Variants in RYR1 observed in about 807,000 individuals in gnomAD.
RYR1 encodes central core disease of muscle.
In RYR1, 342 loss-of-function variants were observed where a neutral mutation model predicts 583.5. The ratio of observed to expected loss-of-function variants is 0.59; its 90% CI spans 0.54 to 0.64. RYR1 has a LOEUF of 0.64. RYR1 is among the 30% of genes least tolerant of loss of function. RYR1 has a pLI of 0.00. For synonymous variants in RYR1, 2,791 were observed against 2,822.5 expected, an observed-to-expected ratio of 0.99 and a Z score of 0.35; for missense variants, 6,032 against 6,917.2, an observed-to-expected ratio of 0.87 and a Z score of 4.54.
intron 16 of RYR1, among the ~76,000 whole-genome samples, chr19:38,456,920 C>T (rs1244574208): frequency 6.6e-6 from 1 of 151,692 alleles, no homozygotes; most frequent in Non-Finnish European, 1.5e-5. Flanking sequence ...GTGGCAGGCG[C>T]CTGTAGTCCC....
At chr19:38,573,064 C>A in intron 95 of RYR1, 113 bp from the exon 96 acceptor site, 1 of 1,539,974 alleles carries the variant, frequency 6.5e-7, no homozygotes. Context: ...ACTGGGAAAG[C>A]ACTTCTGATG....
chr19:38,544,144 A>G (rs1218625467), intron 87 of RYR1, among the ~76,000 whole-genome samples: 1 of 152,044 alleles, frequency 6.6e-6, no homozygotes, highest in African/African-American at 2.4e-5. Context: ...CAATGGCCGG[A>G]GCTCCTCTAT....
rs777872969 is a variant in RYR1 at position 38,523,281 on chromosome 19, C to T, written c.10412C>T (p.Thr3471Ile). 1 of 1,614,250 alleles carries T rather than the reference C, an allele frequency of 6.2e-7. No homozygotes were observed. Among genetic ancestry groups the T allele is most frequent in the Non-Finnish European group, 8.5e-7 (1 of 1,180,044 alleles). Reference sequence around the variant, plus strand: ...GAGATCAACAACATGTCCTTCCTGACTGCTGACAACAAAAGCAAAATGGCT... The same window carrying T: ...GAGATCAACAACATGTCCTTCCTGATTGCTGACAACAAAAGCAAAATGGCT... ...QNEINNMSFL[T>I]ADNKSKMAKA... The change falls in exon 69 of 106, where the codon ACT becomes ATT. Residue 3471 changes from threonine to isoleucine, a missense_variant. This residue lies in a region of RYR1 where 1,493 missense variants were observed against 1,715.5 expected (regional missense o/e 0.87). Coordinates refer to ENST00000359596, the MANE Select transcript of RYR1 (RefSeq NM_000540.3).
Position 38,504,715 on chromosome 19 carries a change from ACCT to A in RYR1, c.8068-29_8068-27del, listed in dbSNP as rs796750554. 454,568 of 1,611,506 alleles carry A rather than the reference ACCT, an allele frequency of 0.28. 68,568 individuals carry two copies. Among genetic ancestry groups the A allele is most frequent in the African/African-American group, 0.46 (34,449 of 74,618 alleles). ...CTGGGGGTCAGTAAGGCTTATAGCG[ACCT>A]CCTACCCCTGCTTCACCCGGTTTTC... On this transcript the variant is annotated intron_variant, in intron 50 of 105. Coordinates refer to ENST00000359596, the MANE Select transcript of RYR1 (RefSeq NM_000540.3).
Position 38,483,393 on chromosome 19 carries a change from GGA to G in RYR1, c.4813_4814del (p.Ser1605ProfsTer107). 1 of 1,569,342 alleles carries G rather than the reference GGA, an allele frequency of 6.4e-7. No individual in the cohort carries two copies. The highest frequency in any genetic ancestry group is 8.6e-7 in the Non-Finnish European group (1 of 1,158,254). ...ATGCAGATGCTGATGCCAGTGTCCT[GGA>G]GCCGCATGCCCAACCACTTCCTGCA... On this transcript the variant is annotated frameshift_variant, in exon 33 of 106. Coordinates refer to ENST00000359596, the MANE Select transcript of RYR1 (RefSeq NM_000540.3). LOFTEE classifies it high-confidence loss of function. This position sits in a 1 kb window ranked among gnomAD's most constrained non-coding sequence, Gnocchi z 6.3.
In RYR1 at chr19:38,485,960, A is replaced by C; in HGVS notation, c.5305A>C (p.Thr1769Pro). 3 of 1,613,584 alleles carry C rather than the reference A, an allele frequency of 1.9e-6. No individual in the cohort carries two copies. The South Asian group carries it at 3.3e-5, about 18-fold the overall frequency. Residue 1769 changes from threonine to proline, a missense_variant, in exon 34 of 106, where the codon ACT (threonine) becomes CCT (proline). Thr to Pro is a conservative substitution (Grantham distance 38). Transcript: ENST00000359596. ...TGGCCTGCCGGGAGTTGGAGTCACC[A>C]CTTCGCTGAGGCCCCCGCATCATTT... ...RHGLPGVGVTTSLRPPHHFSP... is the reference protein window; with the variant it reads ...RHGLPGVGVTPSLRPPHHFSP...
chr19:38,500,734 G>C lies in RYR1; in HGVS notation c.7444+8G>C. ...TTCCCACCCTGGGCAAAGGTGCAGA[G>C]GGGATGGAACTTGGCGAAGGAGTGA... On this transcript the variant is annotated splice_region_variant and intron_variant, in intron 46 of 105. Coordinates refer to ENST00000359596, the MANE Select transcript of RYR1 (RefSeq NM_000540.3). This position sits in a 1 kb window ranked among gnomAD's most constrained non-coding sequence, Gnocchi z 5.9. The C allele has an allele frequency of 6.2e-7, 1 of 1,614,172 alleles. No homozygotes were observed. The highest frequency in any genetic ancestry group is 1.1e-5 in the South Asian group (1 of 91,086).
intron 1 of RYR1, among the ~76,000 whole-genome samples, chr19:38,434,401 C>T (rs1419824122): frequency 6.6e-6 from 1 of 151,998 alleles, no homozygotes; most frequent in Non-Finnish European, 1.5e-5. Flanking sequence ...TTTCCTTCTT[C>T]GTTTTGGGCA....
At chr19:38,542,082 TC>T (rs1037166330) in intron 84 of RYR1, among the ~76,000 whole-genome samples, 2 of 124,956 alleles carry the variant, frequency 1.6e-5, no homozygotes, top group South Asian at 2.6e-4. Context: ...AAAAAAAAAA[TC>T]CCCCCCAAGG....
Position 38,519,436 on chromosome 19 carries a change from G to A in RYR1, c.10241G>A (p.Arg3414His), listed in dbSNP as rs142618623. The change falls in exon 67 of 106, where the codon CGC (arginine) becomes CAC (histidine). Residue 3414 changes from arginine (R) to histidine (H), a missense_variant. This residue lies in a region of RYR1 where 1,493 missense variants were observed against 1,715.5 expected (regional missense o/e 0.87). Coordinates refer to ENST00000359596, the MANE Select transcript of RYR1 (RefSeq NM_000540.3). ...DLYALYPLLI[R>H]YVDNNRAQWL... ...TACGCCCTGTATCCGCTGCTCATCC[G>A]CTACGTGGACAACAACAGGTCAGCG... 21 of 1,598,276 alleles carry A rather than the reference G, an allele frequency of 1.3e-5. No homozygotes were observed. The highest frequency in any genetic ancestry group is 6.7e-5 in the African/African-American group (5 of 74,428).
At chr19:38,586,705 T>C in intron 105 of RYR1, 129 bp downstream of exon 105, 3 of 920,106 alleles carry the variant, frequency 3.3e-6, no homozygotes, top group Non-Finnish European at 5.3e-6. Context: ...GCACGGCGGC[T>C]CACGCCTGTA....
Position 38,565,110 on chromosome 19 carries a change from C to A in RYR1, c.12776C>A (p.Thr4259Asn). 1 of 1,543,664 alleles carries A rather than the reference C, an allele frequency of 6.5e-7. No individual in the cohort carries two copies. Residue 4259 changes from threonine to asparagine, a missense_variant, in exon 91 of 106, where the codon ACC becomes AAC. By Grantham distance (65) the Thr-to-Asn change is moderately conservative (BLOSUM62 0). Transcript: ENST00000359596. The surrounding 1 kb of genome is among the most constrained non-coding windows in gnomAD (Gnocchi z 4.7). ...QISEPEGEPE[T>N]DEDEGAGAAE... The stretch of plus-strand genomic sequence containing the variant: ...TCGGAGCCCGAGGGCGAGCCGGAGA[C>A]CGACGAGGACGAGGGCGCGGGCGCG...
Position 38,473,658 on chromosome 19 carries a change from AG to A in RYR1, c.4050del (p.Thr1351LeufsTer47). 1 of 1,554,304 alleles carries A rather than the reference AG, an allele frequency of 6.4e-7. No homozygotes were observed. The highest frequency in any genetic ancestry group is 8.7e-7 in the Non-Finnish European group (1 of 1,149,000). On this transcript the variant is annotated frameshift_variant, in exon 28 of 106. Coordinates refer to ENST00000359596, the MANE Select transcript of RYR1 (RefSeq NM_000540.3). LOFTEE classifies it high-confidence loss of function. ...GGAGCGAGGCAGAGAACGGCAAAGA[AG>A]GGACTGCGAAGGAGGGCGCCCCCGG... ...GWSEAENGKE[G>X]TAKEGAPGGT...
At chr19:38,452,546 T>C (rs1396553158) in intron 12 of RYR1, among the ~76,000 whole-genome samples, 2 of 152,028 alleles carry the variant, frequency 1.3e-5, no homozygotes, top group Non-Finnish European at 2.9e-5. Flanking sequence ...ATCACCCAAC[T>C]TTCACACCCC....
chr19:38,517,448 T>G lies in RYR1; in HGVS notation c.9775T>G (p.Ser3259Ala), dbSNP rs778295379. 23 of 1,613,850 alleles carry G rather than the reference T, an allele frequency of 1.4e-5. No individual in the cohort carries two copies. The highest frequency in any genetic ancestry group is 1.9e-5 in the Non-Finnish European group (23 of 1,179,944). ...GGCAGACATTGGGGGGCTGGCCGAGTCAGGTGCCCGCTACACAGAGATGCC... is the reference window on the plus strand; with the variant it reads ...GGCAGACATTGGGGGGCTGGCCGAGGCAGGTGCCCGCTACACAGAGATGCC... ...LMADIGGLAE[S>A]GARYTEMPHV... Residue 3259 changes from serine (S) to alanine (A), a missense_variant, in exon 66 of 106, where the codon TCA (serine) becomes GCA (alanine). Around this residue, in one of 11 missense-constraint regions of RYR1, gnomAD observed 1,493 missense variants for 1,715.5 expected, o/e 0.87. Transcript: ENST00000359596.
In RYR1 at chr19:38,490,703, A is replaced by T; in HGVS notation, c.6098A>T (p.Asp2033Val). Residue 2033 changes from aspartate to valine, a missense_variant, in exon 37 of 106, where the codon GAC (aspartate) becomes GTC (valine). By Grantham distance (152) the Asp-to-Val change is radical. Transcript: ENST00000359596. ...GAAGAGATTCGACAGGATTTGCTTG[A>T]CTTTCATCAAGACCTGCTGGCACAC... ...LPEEIRQDLLDFHQDLLAHCG... is the reference protein window; with the variant it reads ...LPEEIRQDLLVFHQDLLAHCG... The T allele has an allele frequency of 6.2e-7, 1 of 1,613,598 alleles. No homozygotes were observed. The highest frequency in any genetic ancestry group is 1.1e-5 in the South Asian group (1 of 91,070).
At chr19:38,532,888 C>G in intron 78 of RYR1, 152 bp downstream of exon 78, 1 of 764,110 alleles carries the variant, frequency 1.3e-6, no homozygotes, top group East Asian at 2.7e-5. Flanking sequence ...ACCCGCCAAA[C>G]TAACACCACG....
intron 90 of RYR1, among the ~76,000 whole-genome samples, chr19:38,562,431 G>T (rs1419044009): frequency 6.6e-6 from 1 of 151,838 alleles, no homozygotes; most frequent in Admixed American, 6.6e-5. Flanking sequence ...TCATTCTCTT[G>T]CACACACACT....
rs149381996 is a variant in RYR1, at chr19:38,463,467, G to A, written c.2622G>A (p.Ala874=). 445 of 1,613,854 alleles carry A rather than the reference G, an allele frequency of 2.8e-4. No homozygotes were observed. The African/African-American group carries it at 5.2e-3, about 19-fold the overall frequency. The change falls in exon 21 of 106, where the codon GCG becomes GCA. Residue 874 remains alanine (A), a synonymous_variant. Transcript: ENST00000359596. ...TGGAGCGCATTCGGGAGAAGCTGGC[G>A]GAGAACATCCACGAGCTCTGGGCGC... is the stretch of plus-strand genomic sequence containing the variant. ...PHLERIREKL[A]ENIHELWALT...
Sources: gnomAD v4.1 joint callset for allele counts (sites outside exome capture counted in the v4.1 genomes callset) on GRCh38, gnomAD v4.1.1 for gene constraint, gnomAD v4.1.1 regional missense constraint, Gnocchi (gnomAD v3.1) non-coding constraint, MANE v1.5 for transcripts, NCBI Gene and HGNC (gene_info 2026-07-23, HGNC 2026-07-21) for gene names.